Variants in CMKLR2 observed in about 807,000 individuals in gnomAD.
CMKLR2 encodes chemerin-like receptor 2.
Under a neutral mutation model 23.0 loss-of-function variants are expected in CMKLR2, and 18 were observed. The ratio of observed to expected loss-of-function variants is 0.78; its 90% CI spans 0.54 to 1.16. The LOEUF (loss-of-function observed/expected upper bound fraction) is 1.16, where lower values mean the gene tolerates loss of function less well. Among genes scored for constraint, CMKLR2 ranks in the 50% most tolerant of loss-of-function variants. The probability of loss-of-function intolerance (pLI) is 0.00; values close to 1 mark genes in which losing one functional copy is unlikely to be tolerated. For synonymous variants in CMKLR2, 158 were observed against 158.9 expected (o/e 0.99, Z 0.05); for missense variants, 401 against 412.7 (o/e 0.97, Z 0.25).
Position 206,176,198 on chromosome 2 carries a change from G to T in CMKLR2, c.1050C>A (p.Leu350=), listed in dbSNP as rs775133756. ...LRNSETKNLC[L]LETAQ is the part of the protein sequence containing the mutation. ...TAATAACTTATTGAGCTGTTTCCAG[G>T]AGACACAGATTCTTGGTTTCTGAGT... Residue 350 remains leucine (L), a synonymous_variant, in exon 2 of 2, where the codon CTC becomes CTA. Transcript: ENST00000621141. 4 of 1,611,046 alleles carry T rather than the reference G, an allele frequency of 2.5e-6. No homozygotes were observed. The highest frequency in any genetic ancestry group is 3.4e-6 in the Non-Finnish European group (4 of 1,178,554).
chr2:206,194,744 CTTTT>C (rs745647131), intron 1 of CMKLR2, among the ~76,000 whole-genome samples: 4 of 76,872 alleles, frequency 5.2e-5, no homozygotes, highest in African/African-American at 1.0e-4. Context: ...CCATCATAGA[CTTTT>C]TTTTTTTTTT....
chr2:206,201,662 A>T (rs999151930), intron 1 of CMKLR2, among the ~76,000 whole-genome samples: 5 of 152,218 alleles, frequency 3.3e-5, no homozygotes, highest in African/African-American at 4.8e-5. Context: ...GCTAAAAAAA[A>T]AAAAAAGTAA....
chr2:206,214,762 T>G (rs1689695414), upstream of CMKLR2, among the ~76,000 whole-genome samples: 1 of 152,148 alleles, frequency 6.6e-6, no homozygotes, highest in Middle Eastern at 3.4e-3. Flanking sequence ...TAGCTGGGAC[T>G]GCAGGCGCCC....
chr2:206,178,309 ACTT>A (rs1382843693), intron 1 of CMKLR2, among the ~76,000 whole-genome samples: 1 of 152,140 alleles, frequency 6.6e-6, no homozygotes, highest in Non-Finnish European at 1.5e-5. Context: ...TGTTGCCCTG[ACTT>A]CTTAAACTCT....
intron 1 of CMKLR2, among the ~76,000 whole-genome samples, chr2:206,179,691 T>C (rs946332193): frequency 1.3e-5 from 2 of 152,184 alleles, no homozygotes; most frequent in African/African-American, 4.8e-5. Flanking sequence ...ATGTCAGTTT[T>C]TCAATCAGCA....
intron 1 of CMKLR2, among the ~76,000 whole-genome samples, chr2:206,193,686 C>G (rs1422673858): frequency 2.0e-5 from 3 of 152,078 alleles, no homozygotes. Flanking sequence ...AGCAGGGTAC[C>G]TACCAGATTA....
At chr2:206,204,231 G>A (rs1206188108) in intron 1 of CMKLR2, among the ~76,000 whole-genome samples, 1 of 151,546 alleles carries the variant, frequency 6.6e-6, no homozygotes, top group Non-Finnish European at 1.5e-5. Context: ...GGGCATCTTT[G>A]TAGTCCCAGC....
In CMKLR2 at chr2:206,176,995, T is replaced by G. The variant is rs771032609; in HGVS notation, c.253A>C (p.Ile85Leu). 15 of 1,614,102 alleles carry G rather than the reference T, an allele frequency of 9.3e-6. No individual in the cohort carries two copies. In the South Asian group the frequency reaches 1.5e-4, roughly 17 times the overall value. ...WFLNLAIADF[I>L]FLLFLPLYIS... ...TACAGGGGCAGAAAGAGAAGAAAAA[T>G]GAAATCCGCAATGGCTAGATTGAGG... is the stretch of plus-strand genomic sequence containing the variant. The change falls in exon 2 of 2, where the codon ATT becomes CTT. Residue 85 changes from isoleucine (I) to leucine (L), a missense_variant. Coordinates refer to ENST00000621141, the MANE Select transcript of CMKLR2 (RefSeq NM_001389445.1).
At chr2:206,189,363 G>A (rs1045042330) in intron 1 of CMKLR2, among the ~76,000 whole-genome samples, 1 of 152,276 alleles carries the variant, frequency 6.6e-6, no homozygotes, top group East Asian at 1.9e-4. Context: ...GGCAGGGAGC[G>A]GTGGCTCACG....
chr2:206,185,779 G>C (rs1054754027), intron 1 of CMKLR2, among the ~76,000 whole-genome samples: 3 of 152,086 alleles, frequency 2.0e-5, no homozygotes, highest in Non-Finnish European at 4.4e-5. Flanking sequence ...TAGATTCTAG[G>C]TATATTTTGT....
At chr2:206,188,871 G>A in intron 1 of CMKLR2, among the ~76,000 whole-genome samples, 1 of 152,210 alleles carries the variant, frequency 6.6e-6, no homozygotes, top group South Asian at 2.1e-4. Context: ...TACTGCAAGA[G>A]TTCTGGCAGA....
intron 1 of CMKLR2, among the ~76,000 whole-genome samples, chr2:206,194,730 T>C (rs1343251678): frequency 8.2e-6 from 1 of 122,532 alleles, no homozygotes; most frequent in Non-Finnish European, 1.7e-5. Flanking sequence ...GCCACCACAC[T>C]GGGCCATCAT....
chr2:206,177,007 T>C lies in CMKLR2; in HGVS notation c.241A>G (p.Ile81Val), dbSNP rs973621193. The change falls in exon 2 of 2, where the codon ATT becomes GTT. Residue 81 changes from isoleucine (I) to valine (V), a missense_variant. Ile to Val is a conservative substitution (Grantham distance 29). Transcript: ENST00000621141. ...VTTLWFLNLA[I>V]ADFIFLLFLP... ...AAGAGAAGAAAAATGAAATCCGCAA[T>C]GGCTAGATTGAGGAACCACAGAGTG... 1 of 1,614,118 alleles carries C rather than the reference T, an allele frequency of 6.2e-7. No homozygotes were observed. The highest frequency in any genetic ancestry group is 8.5e-7 in the Non-Finnish European group (1 of 1,180,022).
chr2:206,200,671 C>A (rs1444400844), intron 1 of CMKLR2, among the ~76,000 whole-genome samples: 1 of 152,060 alleles, frequency 6.6e-6, no homozygotes, highest in Admixed American at 6.6e-5. Flanking sequence ...GCTATGTTGC[C>A]CAGGCTGCAC....
At chr2:206,203,427 CCTCCAGGGGAGGACTGGGGG>C (rs1689182102) in intron 1 of CMKLR2, 1 of 151,994 alleles carries the variant, frequency 6.6e-6, no homozygotes, top group South Asian at 2.1e-4. Context: ...CCAACTTCCA[CCTCCAGGGGAGGACTGGGGG>C]CTGGAGATTG....
Position 206,176,426 on chromosome 2 carries a change from G to A in CMKLR2, c.822C>T (p.His274=). ...LFSIWELTIH[H]NSYSHHVMQA... ...GCATCACATGGTGGGAATAGCTATT[G>A]TGGTGAATGGTGAGCTCCCAAATGC... The change falls in exon 2 of 2, where the codon CAC becomes CAT. Residue 274 remains histidine, a synonymous_variant. Coordinates refer to ENST00000621141, the MANE Select transcript of CMKLR2 (RefSeq NM_001389445.1). 1 of 1,614,200 alleles carries A rather than the reference G, an allele frequency of 6.2e-7. No homozygotes were observed. Among genetic ancestry groups the A allele is most frequent in the South Asian group, 1.1e-5 (1 of 91,084 alleles).
At chr2:206,177,307 A>C in intron 1 of CMKLR2, 32 bp from the exon 2 acceptor site, 2 of 1,061,714 alleles carry the variant, frequency 1.9e-6, no homozygotes, top group East Asian at 5.0e-5. Flanking sequence ...GAAAGAAAAA[A>C]TTTTAAAAGA....
At chr2:206,198,147 C>A (rs1047829410) in intron 1 of CMKLR2, among the ~76,000 whole-genome samples, 20 of 152,172 alleles carry the variant, frequency 1.3e-4, no homozygotes, top group Non-Finnish European at 2.6e-4. Flanking sequence ...TTTTGTTAAT[C>A]ATGGATTATT....
intron 1 of CMKLR2, among the ~76,000 whole-genome samples, chr2:206,194,792 C>T (rs1166229160): frequency 2.5e-5 from 3 of 118,612 alleles, no homozygotes; most frequent in African/African-American, 3.3e-5. Context: ...CTCGCTCTAT[C>T]GCCCAGGCTG....
Sources: allele counts gnomAD v4.1 joint callset (sites outside exome capture counted in the v4.1 genomes callset), GRCh38; gene constraint gnomAD v4.1.1; transcripts MANE v1.5; gene names NCBI Gene and HGNC (gene_info 2026-07-23, HGNC 2026-07-21).